The following SYT1 variants were observed in gnomAD, a reference collection of about 807,000 sequenced individuals.
SYT1 encodes synaptotagmin-1.
In SYT1, 8 loss-of-function variants were observed where a neutral mutation model predicts 44.8. The ratio of observed to expected loss-of-function variants is 0.18; its 90% CI spans 0.10 to 0.32. The LOEUF is 0.32. Ranked by LOEUF, SYT1 falls within the 10% of genes least tolerant of loss-of-function variation. SYT1 has a pLI of 1.00. For synonymous variants in SYT1, 154 were observed against 188.8 expected (o/e 0.82, Z 1.51); for missense variants, 286 against 509.3 (o/e 0.56, Z 4.22).
At position 79,223,249 on chromosome 12, in the gene SYT1, A is replaced by T. The variant is rs181066844; in HGVS notation, c.166+5564A>T. ...ACTTCAGTCTTCACAGTCTTCATAG[A>T]CAGGCTTTGTCTGTGAAAGCCCTGC... On this transcript the variant is annotated intron_variant, in intron 4 of 10. Coordinates refer to ENST00000261205, the MANE Select transcript of SYT1 (RefSeq NM_005639.3). Among the ~76,000 whole-genome samples the T allele has an allele frequency of 1.9e-3, 287 of 152,312 alleles. 2 individuals carry two copies. Among genetic ancestry groups the T allele is most frequent in the African/African-American group, 6.7e-3 (277 of 41,576 alleles).
intron 2 of SYT1, among the ~76,000 whole-genome samples, chr12:79,032,242 G>A (rs1245622366): frequency 6.6e-6 from 1 of 151,112 alleles, no homozygotes; most frequent in Non-Finnish European, 1.5e-5. Flanking sequence ...AATGTGCTAG[G>A]TACTGTGAAC....
intron 1 of SYT1, among the ~76,000 whole-genome samples, chr12:78,918,780 G>T (rs763103169): frequency 6.6e-6 from 1 of 152,018 alleles, no homozygotes; most frequent in Non-Finnish European, 1.5e-5. Context: ...AACTATTATA[G>T]TACTGATTAT....
At chr12:79,396,917 A>C (rs190959272) in intron 9 of SYT1, among the ~76,000 whole-genome samples, 174 of 152,348 alleles carry the variant, frequency 1.1e-3, no homozygotes, top group African/African-American at 4.1e-3. Context: ...ATAATGTGAA[A>C]GGTAAATGAA....
chr12:79,231,850 A>G (rs1285730219), intron 4 of SYT1, among the ~76,000 whole-genome samples: 1 of 152,228 alleles, frequency 6.6e-6, no homozygotes, highest in Non-Finnish European at 1.5e-5. Context: ...TCAGTAGCCC[A>G]AAAGTGGTAG....
intron 4 of SYT1, among the ~76,000 whole-genome samples, chr12:79,258,967 G>A (rs140315545): frequency 1.3e-3 from 194 of 152,302 alleles, no homozygotes; most frequent in African/African-American, 4.4e-3. Context: ...GGGACAAGAA[G>A]AAATAGAAAG....
chr12:79,011,574 GC>G (rs1387177634), intron 2 of SYT1, among the ~76,000 whole-genome samples: 2 of 149,902 alleles, frequency 1.3e-5, no homozygotes, highest in East Asian at 4.0e-4. Context: ...GAAAGATCTT[GC>G]TAGAAATAGT....
intron 3 of SYT1, among the ~76,000 whole-genome samples, chr12:79,208,921 CTGAGGAAATTTT>C (rs1217562113): frequency 6.6e-6 from 1 of 152,134 alleles, no homozygotes; most frequent in Admixed American, 6.6e-5. Flanking sequence ...CCCTACACCT[CTGAGGAAATTTT>C]TGTGACTTGT....
intron 3 of SYT1, among the ~76,000 whole-genome samples, chr12:79,068,684 A>C (rs1231530741): frequency 6.6e-6 from 1 of 152,126 alleles, no homozygotes; most frequent in African/African-American, 2.4e-5. Flanking sequence ...ATTTTCCATA[A>C]TCAGTACATT....
chr12:79,299,087 G>A (rs1278345481), intron 7 of SYT1, among the ~76,000 whole-genome samples: 1 of 151,992 alleles, frequency 6.6e-6, no homozygotes, highest in Non-Finnish European at 1.5e-5. Flanking sequence ...CTTGTTTATT[G>A]TTTTATTAAT....
In SYT1 at chr12:78,977,889, A is replaced by G. The variant is rs1382916755; in HGVS notation, c.-126A>G. On this transcript the variant is annotated 5_prime_UTR_variant, in exon 2 of 11. Coordinates refer to ENST00000261205, the MANE Select transcript of SYT1 (RefSeq NM_005639.3). ...AGATTGGAAGACTGCTCATTTGTCT[A>G]CTGCCTCATTCCTGGAAATTGCACT... 1 of 152,230 alleles carries G rather than the reference A, an allele frequency of 6.6e-6. No individual in the cohort carries two copies. Among genetic ancestry groups the G allele is most frequent in the Non-Finnish European group, 1.5e-5 (1 of 68,042 alleles). 9.4% of individuals were successfully genotyped at this position (152,230 alleles called of 1,614,324 possible). A position where few individuals can be genotyped will look rare whatever the true frequency, so the allele number is the denominator to read the frequency against.
rs142986437 is a variant in SYT1, at chr12:79,131,669, A to G, written c.-18+84307A>G. Among the ~76,000 whole-genome samples, 19 of 152,364 alleles carry G rather than the reference A, an allele frequency of 1.2e-4. No homozygotes were observed. In the East Asian group the frequency reaches 2.7e-3, roughly 22 times the overall value. On this transcript the variant is annotated intron_variant, in intron 3 of 10. Transcript: ENST00000261205. ...AGTGCTAACACATAGAAGACCATCA[A>G]TGAGTCAACTTATATATTCACTGAC... is the stretch of plus-strand genomic sequence containing the variant.
At chr12:79,407,355 C>T (rs1885279059) in intron 9 of SYT1, among the ~76,000 whole-genome samples, 1 of 152,078 alleles carries the variant, frequency 6.6e-6, no homozygotes. Context: ...TGCCATCCTA[C>T]AAGTATGGTA....
intron 4 of SYT1, among the ~76,000 whole-genome samples, chr12:79,226,240 A>C (rs1875512342): frequency 2.0e-5 from 3 of 152,176 alleles, no homozygotes; most frequent in Admixed American, 1.3e-4. Flanking sequence ...TAAACGTTGA[A>C]AATGTAATTG....
At chr12:78,933,299 A>T (rs1267572009) in intron 1 of SYT1, among the ~76,000 whole-genome samples, 1 of 152,174 alleles carries the variant, frequency 6.6e-6, no homozygotes, top group Non-Finnish European at 1.5e-5. Context: ...TGGCTGAGTT[A>T]TAGAGCCTCT....
intron 1 of SYT1, among the ~76,000 whole-genome samples, chr12:78,894,882 T>C (rs1188161720): frequency 1.3e-5 from 2 of 151,660 alleles, no homozygotes; most frequent in African/African-American, 2.4e-5. Flanking sequence ...GTATATTGTA[T>C]ACTTGAAAAT....
intron 3 of SYT1, among the ~76,000 whole-genome samples, chr12:79,192,377 G>C (rs1873184742): frequency 1.3e-5 from 2 of 152,140 alleles, no homozygotes; most frequent in Non-Finnish European, 2.9e-5. Context: ...GACCTATGCA[G>C]ATGCCAAAGG....
intron 3 of SYT1, among the ~76,000 whole-genome samples, chr12:79,158,019 G>C (rs1870707131): frequency 6.6e-6 from 1 of 152,098 alleles, no homozygotes; most frequent in Admixed American, 6.6e-5. Flanking sequence ...CAGTTTCATG[G>C]AAGACGATTT....
chr12:79,256,814 A>G (rs1877545036), intron 4 of SYT1, among the ~76,000 whole-genome samples: 2 of 152,182 alleles, frequency 1.3e-5, no homozygotes, highest in South Asian at 4.1e-4. Flanking sequence ...CTTACACTTG[A>G]GTTTTATCTG....
chr12:79,409,741 T>C, intron 9 of SYT1, among the ~76,000 whole-genome samples: 1 of 152,096 alleles, frequency 6.6e-6, no homozygotes, highest in Non-Finnish European at 1.5e-5. Context: ...TGGCAGTGGG[T>C]TTCTGCTACA....
Sources: allele counts gnomAD v4.1 joint callset (sites outside exome capture counted in the v4.1 genomes callset), GRCh38; gene constraint gnomAD v4.1.1; transcripts MANE v1.5; gene names NCBI Gene and HGNC (gene_info 2026-07-23, HGNC 2026-07-21).